The following VIPR2 variants were observed in gnomAD, a reference collection of about 807,000 sequenced individuals.
VIPR2 encodes vasoactive intestinal polypeptide receptor 2.
A neutral mutation model predicts 58.0 loss-of-function variants in VIPR2; 48 were observed. The ratio of observed to expected loss-of-function variants is 0.83; its 90% confidence interval spans 0.66 to 1.05. VIPR2 has a LOEUF of 1.05. VIPR2 is among the 50% of genes least tolerant of loss of function. VIPR2 has a pLI of 0.00. For synonymous variants in VIPR2, 243 were observed against 235.2 expected (o/e 1.03, Z -0.30); for missense variants, 534 against 558.0 (o/e 0.96, Z 0.43).
At chr7:159,034,695 G>T in intron 8 of VIPR2, 45 bp from the exon 9 acceptor site, 2 of 1,560,920 alleles carry the variant, frequency 1.3e-6, no homozygotes, top group Non-Finnish European at 1.8e-6. Context: ...AACCACTTTC[G>T]CAAGACAGGT....
intron 1 of VIPR2, 106 bp downstream of exon 1, chr7:159,144,615 C>A: frequency 7.2e-7 from 1 of 1,384,636 alleles, no homozygotes; most frequent in South Asian, 1.6e-5. Flanking sequence ...CCCGCCCGCG[C>A]TCCAGCACCC....
intron 5 of VIPR2, among the ~76,000 whole-genome samples, chr7:159,049,868 G>A (rs1484074382): frequency 6.6e-6 from 1 of 152,284 alleles, no homozygotes; most frequent in Non-Finnish European, 1.5e-5. Flanking sequence ...AATGCAGCCC[G>A]AAACCCACAT....
intron 4 of VIPR2, among the ~76,000 whole-genome samples, chr7:159,067,065 A>G (rs1488541453): frequency 6.6e-6 from 1 of 152,216 alleles, no homozygotes; most frequent in Non-Finnish European, 1.5e-5. Flanking sequence ...CCAGTGACTC[A>G]GTTGCACCAG....
rs1246697341 is a variant in VIPR2, at chr7:159,065,989, G to A, written c.358-7411C>T. Among the ~76,000 whole-genome samples the A allele has an allele frequency of 2.0e-5, 3 of 152,274 alleles. No individual in the cohort carries two copies. The East Asian group carries it at 5.8e-4, about 29-fold the overall frequency. On this transcript the variant is annotated intron_variant, in intron 4 of 12. Transcript: ENST00000262178. Reference sequence around the variant, plus strand: ...CCAACATGTGTTAGAGATTAAAAGAGGGCTGCTGGGGTAGGTTTTCCTTTA... The same window carrying A: ...CCAACATGTGTTAGAGATTAAAAGAAGGCTGCTGGGGTAGGTTTTCCTTTA...
intron 2 of VIPR2, among the ~76,000 whole-genome samples, chr7:159,112,251 T>C (rs1010773020): frequency 5.3e-5 from 8 of 152,206 alleles, no homozygotes; most frequent in African/African-American, 1.9e-4. Flanking sequence ...GTTCCTTTAT[T>C]GGACCGCACG....
chr7:159,119,478 C>A (rs191892962), intron 2 of VIPR2, among the ~76,000 whole-genome samples: 1 of 152,198 alleles, frequency 6.6e-6, no homozygotes, highest in East Asian at 1.9e-4. Flanking sequence ...GGAGCCCAGA[C>A]GCAGATGCCC....
chr7:159,144,680 G>A (rs1024481971), intron 1 of VIPR2, 41 bp downstream of exon 1: 56 of 1,342,372 alleles, frequency 4.2e-5, no homozygotes, highest in Non-Finnish European at 5.1e-5. Context: ...GGGAGAACCG[G>A]GTCCGAGGCG....
At chr7:159,130,461 A>C (rs1796854722) in intron 2 of VIPR2, among the ~76,000 whole-genome samples, 1 of 2,482 alleles carries the variant, frequency 4.0e-4, no homozygotes, top group Non-Finnish European at 1.5e-3. Flanking sequence ...ATATCTTTTC[A>C]GGGTTCTGCA....
At chr7:159,141,786 T>C (rs1797476951) in intron 2 of VIPR2, among the ~76,000 whole-genome samples, 1 of 152,242 alleles carries the variant, frequency 6.6e-6, no homozygotes, top group Non-Finnish European at 1.5e-5. Flanking sequence ...AACACAGATT[T>C]AATTTCTTTC....
chr7:159,067,929 A>G lies in VIPR2; in HGVS notation c.358-9351T>C, dbSNP rs557963285. ...TTTGTGGCTGGGCAGAGCCACTGTC[A>G]GGGCAGGAAGGGCAGGTGCTGCGGG... On this transcript the variant is annotated intron_variant, in intron 4 of 12. Coordinates refer to ENST00000262178, the MANE Select transcript of VIPR2 (RefSeq NM_003382.5). Among the ~76,000 whole-genome samples, 14 of 152,362 alleles carry G rather than the reference A, an allele frequency of 9.2e-5. No individual in the cohort carries two copies. In the East Asian group the frequency reaches 2.3e-3, roughly 25 times the overall value.
At chr7:159,133,333 A>G (rs2129497737) in intron 2 of VIPR2, among the ~76,000 whole-genome samples, 1 of 152,416 alleles carries the variant, frequency 6.6e-6, no homozygotes, top group East Asian at 1.9e-4. Flanking sequence ...GACAACAGGC[A>G]ACTATGCCCA....
At chr7:159,068,430 G>A (rs551670702) in intron 4 of VIPR2, among the ~76,000 whole-genome samples, 6 of 152,334 alleles carry the variant, frequency 3.9e-5, no homozygotes, top group East Asian at 1.9e-4. Context: ...ATCAGCAGCC[G>A]TGACCCATTT....
intron 4 of VIPR2, among the ~76,000 whole-genome samples, chr7:159,078,344 G>C (rs781626102): frequency 1.3e-5 from 2 of 152,094 alleles, no homozygotes; most frequent in Non-Finnish European, 2.9e-5. Context: ...CCACGTAGAA[G>C]CCTAATTTAG....
chr7:159,037,116 G>C (rs894816069), intron 6 of VIPR2, among the ~76,000 whole-genome samples: 2 of 152,234 alleles, frequency 1.3e-5, no homozygotes, highest in African/African-American at 4.8e-5. Context: ...CGCGGCTCCA[G>C]AGGAGGATCA....
intron 4 of VIPR2, among the ~76,000 whole-genome samples, chr7:159,068,564 C>T (rs974966576): frequency 5.9e-5 from 9 of 152,248 alleles, no homozygotes; most frequent in African/African-American, 1.9e-4. Flanking sequence ...CTGAAGTCAG[C>T]GCAGACAGCC....
At chr7:159,112,257 G>A (rs1018530405) in intron 2 of VIPR2, among the ~76,000 whole-genome samples, 5 of 152,188 alleles carry the variant, frequency 3.3e-5, no homozygotes, top group South Asian at 2.1e-4. Flanking sequence ...TTATTGGACC[G>A]CACGTGAGGG....
chr7:159,035,093 T>G (rs544211852), intron 8 of VIPR2, among the ~76,000 whole-genome samples: 1 of 152,336 alleles, frequency 6.6e-6, no homozygotes, highest in East Asian at 1.9e-4. Flanking sequence ...GTTTTGATTT[T>G]CAGCGCATGG....
chr7:159,063,458 C>T (rs1468823249), intron 4 of VIPR2, among the ~76,000 whole-genome samples: 1 of 151,986 alleles, frequency 6.6e-6, no homozygotes, highest in Admixed American at 6.5e-5. Flanking sequence ...AGCCCACGAA[C>T]TTGCGCTGGC....
At position 159,030,574 on chromosome 7, in the gene VIPR2, GA is replaced by G; in HGVS notation, c.*41del. 6.7e-7 allele frequency: 1 copy of G among 1,494,164 alleles called. No individual in the cohort carries two copies. The highest frequency in any genetic ancestry group is 8.9e-7 in the Non-Finnish European group (1 of 1,118,378). 92.6% of individuals were successfully genotyped at this position (1,494,164 alleles called of 1,614,324 possible). A position where few individuals can be genotyped will look rare whatever the true frequency, so the allele number is the denominator to read the frequency against. Reference sequence around the variant, plus strand: ...GGCGTCTCAGCCCCGCAGAAGCCCCGAACCGTGGGCCTCCCGCCGCGTCCGA... The same window carrying G: ...GGCGTCTCAGCCCCGCAGAAGCCCCGACCGTGGGCCTCCCGCCGCGTCCGA... On this transcript the variant is annotated 3_prime_UTR_variant, in exon 13 of 13. Transcript: ENST00000262178.
Sources: gnomAD v4.1 joint callset for allele counts (sites outside exome capture counted in the v4.1 genomes callset) on GRCh38, gnomAD v4.1.1 for gene constraint, MANE v1.5 for transcripts, NCBI Gene and HGNC (gene_info 2026-07-23, HGNC 2026-07-21) for gene names.